NSD2: variants seen among roughly 807,000 people sequenced by gnomAD.
The protein encoded by NSD2 is histone-lysine N-methyltransferase NSD2.
NSD2 carries 12 observed loss-of-function variants against 139.0 expected under a neutral mutation model. The ratio of observed to expected loss-of-function variants is 0.09; its 90% confidence interval spans 0.06 to 0.14. The LOEUF is 0.14. Ranked by LOEUF, NSD2 falls within the 10% of genes least tolerant of loss-of-function variation. The probability of loss-of-function intolerance (pLI) is 1.00; values close to 1 mark genes in which losing one functional copy is unlikely to be tolerated. For synonymous variants in NSD2, 669 were observed against 648.7 expected (o/e 1.03, Z -0.48); for missense variants, 1,155 against 1,745.0 (o/e 0.66, Z 6.02).
intron 12 of NSD2, among the ~76,000 whole-genome samples, chr4:1,954,958 G>A (rs1174791572): frequency 6.6e-6 from 1 of 152,204 alleles, no homozygotes; most frequent in African/African-American, 2.4e-5. Context: ...GCTGAGACAC[G>A]CGGCATTTTA....
chr4:1,938,344 T>G, intron 7 of NSD2, 107 bp from the exon 8 acceptor site: 1 of 1,045,378 alleles, frequency 9.6e-7, no homozygotes, highest in Non-Finnish European at 1.3e-6. Context: ...GAGGAGATTT[T>G]TTTTCCTTTC....
At chr4:1,879,054 A>T (rs1714510455) in intron 1 of NSD2, among the ~76,000 whole-genome samples, 1 of 151,964 alleles carries the variant, frequency 6.6e-6, no homozygotes, top group Admixed American at 6.6e-5. Context: ...GGAAGCTCTG[A>T]TCTCACCTAC....
intron 7 of NSD2, 35 bp from the exon 8 acceptor site, chr4:1,938,416 C>CTTGTT: frequency 3.1e-6 from 1 of 320,276 alleles, no homozygotes; most frequent in East Asian, 6.2e-5. Context: ...TTTTTTCTTT[C>CTTGTT]TTTTTTTTTT....
intron 3 of NSD2, among the ~76,000 whole-genome samples, chr4:1,915,729 C>A (rs1282334521): frequency 1.3e-5 from 2 of 152,160 alleles, no homozygotes; most frequent in Non-Finnish European, 2.9e-5. Flanking sequence ...CCATTGACCA[C>A]TTAATTGGGG....
At chr4:1,916,617 C>A (rs960629775) in intron 3 of NSD2, among the ~76,000 whole-genome samples, 3 of 152,396 alleles carry the variant, frequency 2.0e-5, no homozygotes, top group African/African-American at 7.2e-5. Context: ...GGTGGGATTA[C>A]AGGCGTGAGG....
intron 9 of NSD2, chr4:1,943,018 CT>C: frequency 9.5e-7 from 1 of 1,050,628 alleles, no homozygotes; most frequent in Non-Finnish European, 1.1e-6. Context: ...CCATTTAACC[CT>C]TTTGATCCAA....
In NSD2 at chr4:1,981,675, G is replaced by T. The variant is rs1172322698; in HGVS notation, c.*2766G>T. On this transcript the variant is annotated 3_prime_UTR_variant, in exon 22 of 22. Transcript: ENST00000508803. Reference sequence around the variant, plus strand: ...TTCCGGCGACACCCGTCCATGGCTGGCTGGGTCCCCTTCGCAGTGTTTGTC... The same window carrying T: ...TTCCGGCGACACCCGTCCATGGCTGTCTGGGTCCCCTTCGCAGTGTTTGTC... The T allele has an allele frequency of 2.5e-6, 1 of 393,338 alleles. No individual in the cohort carries two copies. The highest frequency in any genetic ancestry group is 2.1e-5 in the African/African-American group (1 of 48,546). The allele number at this position is 393,338 out of a possible 1,614,324, so 24.4% of individuals were successfully genotyped here. A position where few individuals can be genotyped will look rare whatever the true frequency, so the allele number is the denominator to read the frequency against.
chr4:1,938,264 G>C (rs1282589555), intron 7 of NSD2, among the ~76,000 whole-genome samples, 187 bp from the exon 8 acceptor site: 1 of 152,202 alleles, frequency 6.6e-6, no homozygotes, highest in Admixed American at 6.5e-5. Flanking sequence ...GATGACTTAT[G>C]TGTGGAACAC....
rs571338769 is a variant in NSD2 at position 1,911,135 on chromosome 4, C to T, written c.761-5736C>T. On this transcript the variant is annotated intron_variant, in intron 3 of 21. Transcript: ENST00000508803. The stretch of plus-strand genomic sequence containing the variant: ...TTGAGCCCAGAGAGTCACAAACTAC[C>T]TGTAGTCTAATGGGCTGTGATGGGG... Among the ~76,000 whole-genome samples the T allele has an allele frequency of 7.9e-5, 12 of 152,226 alleles. No individual in the cohort carries two copies. In the South Asian group the frequency reaches 2.5e-3, roughly 32 times the overall value.
Position 1,955,940 on chromosome 4 carries a change from T to G in NSD2, c.2676-43T>G. 6.2e-7 allele frequency: 1 copy of G among 1,611,962 alleles called. No homozygotes were observed. Among genetic ancestry groups the G allele is most frequent in the Non-Finnish European group, 8.5e-7 (1 of 1,178,642 alleles). On this transcript the variant is annotated intron_variant, in intron 14 of 21. Transcript: ENST00000508803. This position sits in a 1 kb window ranked among gnomAD's most constrained non-coding sequence, Gnocchi z 4.7. The stretch of plus-strand genomic sequence containing the variant: ...TAAAGTATTGAAATTATTATCGCTG[T>G]CTCTGAGGAGTCTGTGAATCCTGTT...
chr4:1,948,351 G>T lies in NSD2; in HGVS notation c.1882-2721G>T. ...AGACTGAGATTTGGGACTATGTTGGGACCGTACAGGTGAATGTGCCACCTC... is the reference window on the plus strand; with the variant it reads ...AGACTGAGATTTGGGACTATGTTGGTACCGTACAGGTGAATGTGCCACCTC... On this transcript the variant is annotated intron_variant, in intron 9 of 21. Coordinates refer to ENST00000508803, the MANE Select transcript of NSD2 (RefSeq NM_001042424.3). The surrounding 1 kb of genome is among the most constrained non-coding windows in gnomAD (Gnocchi z 4.5). 2.8e-6 allele frequency: 3 copies of T among 1,066,160 alleles called. No homozygotes were observed. The highest frequency in any genetic ancestry group is 3.4e-6 in the Non-Finnish European group (3 of 878,814). 66.0% of individuals were successfully genotyped at this position (1,066,160 alleles called of 1,614,324 possible). A position where few individuals can be genotyped will look rare whatever the true frequency, so the allele number is the denominator to read the frequency against.
intron 9 of NSD2, chr4:1,947,988 G>A (rs539456521): frequency 9.5e-7 from 1 of 1,056,714 alleles, no homozygotes; most frequent in Admixed American, 5.4e-5. Context: ...GCTGGAATGT[G>A]TTCACTAGGT....
intron 18 of NSD2, among the ~76,000 whole-genome samples, chr4:1,965,966 A>G (rs114244464): frequency 0.017 from 2,570 of 152,294 alleles, 28 homozygotes; most frequent in Non-Finnish European, 0.026. Flanking sequence ...ACAAAGCTAA[A>G]TCATATCACA....
chr4:1,938,412 C>CTTTGTTTTTTTT, intron 7 of NSD2, 39 bp from the exon 8 acceptor site: 1 of 635,576 alleles, frequency 1.6e-6, no homozygotes, highest in Non-Finnish European at 2.0e-6. Flanking sequence ...TTTTTTTTTT[C>CTTTGTTTTTTTT]TTTCTTTTTT....
At chr4:1,941,824 T>C (rs924662433) in intron 9 of NSD2, 1 of 1,053,582 alleles carries the variant, frequency 9.5e-7, no homozygotes, top group Non-Finnish European at 1.1e-6. Flanking sequence ...ACTTGTCTAT[T>C]ATATATTAAC....
At chr4:1,885,974 T>C (rs1203504586) in intron 1 of NSD2, among the ~76,000 whole-genome samples, 3 of 152,090 alleles carry the variant, frequency 2.0e-5, no homozygotes, top group Middle Eastern at 3.2e-3. Flanking sequence ...AATCAGAAAA[T>C]ATATTTTATG....
chr4:1,942,157 A>C lies in NSD2; in HGVS notation c.1881+2379A>C, dbSNP rs1723166200. On this transcript the variant is annotated intron_variant, in intron 9 of 21. Transcript: ENST00000508803. The surrounding 1 kb of genome is among the most constrained non-coding windows in gnomAD (Gnocchi z 4.0). ...AAAAAGGTATATGTGATAAATAAAA[A>C]TTTTTATTGGAATAATTATTACATG... The C allele has an allele frequency of 1.0e-5, 13 of 1,297,642 alleles. No individual in the cohort carries two copies. In the South Asian group the frequency reaches 2.1e-4, roughly 21 times the overall value. 80.4% of individuals were successfully genotyped at this position (1,297,642 alleles called of 1,614,324 possible).
intron 1 of NSD2, among the ~76,000 whole-genome samples, chr4:1,879,364 G>A (rs1245966805): frequency 6.6e-5 from 10 of 151,910 alleles, no homozygotes; most frequent in Admixed American, 3.9e-4. Flanking sequence ...GACTACAGGC[G>A]CCCGCCACCA....
At position 1,956,115 on chromosome 4, in the gene NSD2, G is replaced by A. The variant is rs1323019491; in HGVS notation, c.2808G>A (p.Val936=). 1.9e-6 allele frequency: 3 copies of A among 1,613,824 alleles called. No homozygotes were observed. The highest frequency in any genetic ancestry group is 1.1e-5 in the South Asian group (1 of 91,082). The change falls in exon 15 of 22, where the codon GTG becomes GTA. Residue 936 remains valine (V), a synonymous_variant. Transcript: ENST00000508803. The surrounding 1 kb of genome is among the most constrained non-coding windows in gnomAD (Gnocchi z 5.3). ...KDYYWTHQAR[V]FPYMEGDRGS... is the part of the protein sequence containing the mutation. ...ATTACTGGACGCATCAGGCGCGAGTGTTCCCGTACATGGAGGGGGACCGGG... is the reference window on the plus strand; with the variant it reads ...ATTACTGGACGCATCAGGCGCGAGTATTCCCGTACATGGAGGGGGACCGGG...
Sources: allele counts gnomAD v4.1 joint callset (sites outside exome capture counted in the v4.1 genomes callset), GRCh38; gene constraint gnomAD v4.1.1; non-coding constraint Gnocchi (gnomAD v3.1); transcripts MANE v1.5; gene names NCBI Gene and HGNC (gene_info 2026-07-23, HGNC 2026-07-21).